POLI: variants seen among roughly 807,000 people sequenced by gnomAD.
POLI encodes the protein RAD30 homolog B.
Under a neutral mutation model 51.6 loss-of-function variants are expected in POLI, and 58 were observed. The observed-to-expected ratio is 1.12, with a 90% CI of 0.91 to 1.40. The LOEUF (loss-of-function observed/expected upper bound fraction) is 1.40, where lower values mean the gene tolerates loss of function less well. Among genes scored for constraint, POLI ranks in the 40% most tolerant of loss-of-function variants. The pLI is 0.00. For synonymous variants in POLI, 322 were observed against 299.7 expected (o/e 1.07, Z -0.77); for missense variants, 921 against 871.3 (o/e 1.06, Z -0.72).
At chr18:54,311,024 C>G (rs1285965916) in intron 3 of POLI, 1 of 779,524 alleles carries the variant, frequency 1.3e-6, no homozygotes, top group Admixed American at 6.3e-5. Context: ...TCCTGAAGTG[C>G]TAGGAAGGAT....
intron 2 of POLI, chr18:54,272,049 T>C (rs1021644540): frequency 1.6e-4 from 24 of 152,246 alleles, no homozygotes; most frequent in African/African-American, 5.1e-4. Context: ...TTATTATTCA[T>C]ATTTTAAATT....
chr18:54,303,839 T>A (rs1389538147), intron 3 of POLI, among the ~76,000 whole-genome samples: 1 of 151,986 alleles, frequency 6.6e-6, no homozygotes, highest in African/African-American at 2.4e-5. Flanking sequence ...TGTATACATG[T>A]GCTGTGTTGC....
rs55920515 is a variant in POLI, at chr18:54,293,840, C to G, written c.1596C>G (p.Phe532Leu). Residue 532 changes from phenylalanine to leucine, a missense_variant, in exon 10 of 10, where the codon TTC becomes TTG. By Grantham distance (22) the Phe-to-Leu change is conservative. Transcript: ENST00000579534. ...SLPEGVDQEVFKQLPVDIQEE... is the reference protein window; with the variant it reads ...SLPEGVDQEVLKQLPVDIQEE... Reference sequence around the variant, plus strand: ...CTGAAGGTGTTGACCAAGAAGTCTTCAAGCAGCTTCCAGTAGATATTCAAG... The same window carrying G: ...CTGAAGGTGTTGACCAAGAAGTCTTGAAGCAGCTTCCAGTAGATATTCAAG... 1 of 1,610,034 alleles carries G rather than the reference C, an allele frequency of 6.2e-7. No individual in the cohort carries two copies. The highest frequency in any genetic ancestry group is 2.2e-5 in the East Asian group (1 of 44,776).
chr18:54,269,772 C>G (rs564763996), intron 1 of POLI, 111 bp downstream of exon 1: 1 of 1,390,282 alleles, frequency 7.2e-7, no homozygotes, highest in East Asian at 3.0e-5. Context: ...CCGCCCCACT[C>G]GGCTCCTCTA....
intron 8 of POLI, among the ~76,000 whole-genome samples, chr18:54,288,232 A>G (rs1214289380): frequency 6.6e-6 from 1 of 152,162 alleles, no homozygotes; most frequent in Non-Finnish European, 1.5e-5. Flanking sequence ...TTCTAGCGGT[A>G]TATAGTAGTG....
At position 54,271,442 on chromosome 18, in the gene POLI, A is replaced by G; in HGVS notation, c.198A>G (p.Gln66=). The change falls in exon 2 of 10, where the codon CAA becomes CAG. Residue 66 remains glutamine (Q), a synonymous_variant. Transcript: ENST00000579534. ...VHVDLDCFYA[Q]VEMISNPELK... is the part of the protein sequence containing the mutation. ...TGGATCTGGATTGCTTTTATGCACA[A>G]GTAGAAATGATCTCAAATCCAGAGC... 1 of 1,610,300 alleles carries G rather than the reference A, an allele frequency of 6.2e-7. No individual in the cohort carries two copies. Among genetic ancestry groups the G allele is most frequent in the Middle Eastern group, 1.7e-4 (1 of 6,052 alleles).
Position 54,309,375 on chromosome 18 carries a change from G to A in POLI, c.334-10898G>A, listed in dbSNP as rs527989221. The stretch of plus-strand genomic sequence containing the variant: ...GCACGTCTGTTGGAGTTTGCTGGGG[G>A]TCCACTCCAGACCCTGTTTTCCTGG... On this transcript the variant is annotated intron_variant, in intron 3 of 4. Coordinates refer to the POLI transcript ENST00000579823. Among the ~76,000 whole-genome samples the A allele has an allele frequency of 2.0e-5, 3 of 152,266 alleles. No homozygotes were observed. In the East Asian group the frequency reaches 5.8e-4, roughly 29 times the overall value.
At chr18:54,312,106 C>T (rs912438535) in intron 3 of POLI, among the ~76,000 whole-genome samples, 2 of 152,140 alleles carry the variant, frequency 1.3e-5, no homozygotes, top group African/African-American at 4.8e-5. Flanking sequence ...TCCCCTCTCT[C>T]CTTCTCCCTT....
chr18:54,319,020 A>G (rs570124787), intron 3 of POLI, among the ~76,000 whole-genome samples: 1 of 152,248 alleles, frequency 6.6e-6, no homozygotes, highest in East Asian at 1.9e-4. Context: ...GCTATGAAAT[A>G]GGGCTAAACT....
At position 54,305,700 on chromosome 18, in the gene POLI, T is replaced by G. The variant is rs1325389527; in HGVS notation, c.334-14573T>G. 8.6e-5 allele frequency among the ~76,000 whole-genome samples: 13 copies of G among 151,666 alleles called. 1 individual carries two copies. In the East Asian group the frequency reaches 2.1e-3, roughly 25 times the overall value. ...TTTCTAAATATACAATCATGTCATC[T>G]GCAAACAGGGACAATTTGACTTCCT... On this transcript the variant is annotated intron_variant, in intron 3 of 4. Coordinates refer to the POLI transcript ENST00000579823.
chr18:54,296,469 A>G lies in POLI; in HGVS notation c.*2002A>G, dbSNP rs2088334869. On this transcript the variant is annotated 3_prime_UTR_variant, in exon 10 of 10. Coordinates refer to ENST00000579534, the MANE Select transcript of POLI (RefSeq NM_007195.3). The stretch of plus-strand genomic sequence containing the variant: ...CTTTGGTGCTTTGCAGGTTTACTGT[A>G]TTATTTGGAAGTGCGAATTTATTTT... The G allele has an allele frequency of 1.5e-6, 1 of 645,496 alleles. No individual in the cohort carries two copies. The highest frequency in any genetic ancestry group is 6.3e-5 in the Admixed American group (1 of 15,856). The allele number at this position is 645,496 out of a possible 1,614,324, so 40.0% of individuals were successfully genotyped here.
intron 3 of POLI, among the ~76,000 whole-genome samples, chr18:54,319,002 C>T (rs989304630): frequency 2.0e-5 from 3 of 151,938 alleles, no homozygotes; most frequent in Non-Finnish European, 4.4e-5. Context: ...CTTGGGGTTC[C>T]CAAGAAAGCT....
At chr18:54,286,318 T>TA (rs976649584) in intron 7 of POLI, among the ~76,000 whole-genome samples, 16 of 152,198 alleles carry the variant, frequency 1.1e-4, no homozygotes, top group Admixed American at 1.0e-3. Flanking sequence ...CAGTACTACT[T>TA]AAGTGAATTT....
Position 54,293,638 on chromosome 18 carries a change from T to C in POLI, c.1405-11T>C. 5 of 1,524,356 alleles carry C rather than the reference T, an allele frequency of 3.3e-6. No homozygotes were observed. In the South Asian group the frequency reaches 6.5e-5, roughly 20 times the overall value. 94.4% of individuals were successfully genotyped at this position (1,524,356 alleles called of 1,614,324 possible). On this transcript the variant is annotated splice_polypyrimidine_tract_variant and intron_variant, in intron 9 of 9. Coordinates refer to ENST00000579534, the MANE Select transcript of POLI (RefSeq NM_007195.3). ...AGATATGTAAATTAGTCTGTTATTC[T>C]TGTGTTCTAGAAAATGAAAGACACT...
chr18:54,294,465 T>G lies in POLI; in HGVS notation c.2221T>G (p.Ter741GluextTer22). The G allele has an allele frequency of 3.2e-6, 5 of 1,583,522 alleles. No homozygotes were observed. The highest frequency in any genetic ancestry group is 1.2e-5 in the South Asian group (1 of 85,460). The stretch of plus-strand genomic sequence containing the variant: ...ATCAGATTTCCACATTGGACATAAA[T>G]AAGCATATTCAGCAAAAAGGTCTGA... ...AGSDFHIGHK[*>E] is the part of the protein sequence containing the mutation. Residue 741 changes from the stop codon to glutamate (E), a stop_lost, in exon 10 of 10, where the codon TAA becomes GAA. Transcript: ENST00000579534.
chr18:54,277,590 A>G, intron 3 of POLI, 113 bp from the exon 4 acceptor site: 1 of 614,596 alleles, frequency 1.6e-6, no homozygotes, highest in East Asian at 2.8e-5. Flanking sequence ...GGAACTATGA[A>G]TGTATATAAA....
chr18:54,296,326 C>G lies in POLI; in HGVS notation c.*1859C>G. On this transcript the variant is annotated 3_prime_UTR_variant, in exon 10 of 10. Transcript: ENST00000579534. The stretch of plus-strand genomic sequence containing the variant: ...ATTTCATAGATTGAGAATGTACGGG[C>G]TATGTCACAGTTACGCTACTTATTT... 15 of 984,988 alleles carry G rather than the reference C, an allele frequency of 1.5e-5. No individual in the cohort carries two copies. The highest frequency in any genetic ancestry group is 1.8e-5 in the Non-Finnish European group (15 of 829,552). The allele number at this position is 984,988 out of a possible 1,614,324, so 61.0% of individuals were successfully genotyped here.
intron 8 of POLI, among the ~76,000 whole-genome samples, chr18:54,290,521 C>G (rs1015342653): frequency 6.6e-6 from 1 of 152,206 alleles, no homozygotes; most frequent in African/African-American, 2.4e-5. Context: ...TATAAAGACA[C>G]ATGCACGCGT....
chr18:54,294,630 C>A lies in POLI; in HGVS notation c.*163C>A. Reference sequence around the variant, plus strand: ...GCAAGAAGTAAATTCTGGCACAAAGCGTAAAAATATAACAGAAGAAATAAT... The same window carrying A: ...GCAAGAAGTAAATTCTGGCACAAAGAGTAAAAATATAACAGAAGAAATAAT... On this transcript the variant is annotated 3_prime_UTR_variant, in exon 10 of 10. Transcript: ENST00000579534. 1.6e-6 allele frequency: 2 copies of A among 1,284,842 alleles called. No individual in the cohort carries two copies. The highest frequency in any genetic ancestry group is 2.0e-6 in the Non-Finnish European group (2 of 1,018,496). 79.6% of individuals were successfully genotyped at this position (1,284,842 alleles called of 1,614,324 possible).
Sources: gnomAD v4.1 joint callset for allele counts (sites outside exome capture counted in the v4.1 genomes callset) on GRCh38, gnomAD v4.1.1 for gene constraint, MANE v1.5 for transcripts, NCBI Gene and HGNC (gene_info 2026-07-23, HGNC 2026-07-21) for gene names.